The following NOD2 variants were observed in gnomAD, a reference collection of about 807,000 sequenced individuals.
NOD2 encodes nucleotide-binding oligomerization domain-containing protein 2.
NOD2 carries 86 observed loss-of-function variants against 90.9 expected under a neutral mutation model. The ratio of observed to expected loss-of-function variants is 0.95; its 90% CI spans 0.79 to 1.13. NOD2 has a LOEUF of 1.13. Among genes scored for constraint, NOD2 ranks in the 50% most tolerant of loss-of-function variants. NOD2 has a pLI of 0.00. For missense variants in NOD2, 1,238 were observed against 1,283.8 expected (o/e 0.96, Z 0.55); for synonymous variants, 581 against 554.6 (o/e 1.05, Z -0.67).
In NOD2 at chr16:50,710,961, T is replaced by C; in HGVS notation, c.969T>C (p.Phe323=). 6.2e-7 allele frequency: 1 copy of C among 1,614,234 alleles called. No individual in the cohort carries two copies. Among genetic ancestry groups the C allele is most frequent in the Non-Finnish European group, 8.5e-7 (1 of 1,180,042 alleles). Residue 323 remains phenylalanine (F), a synonymous_variant, in exon 4 of 12, where the codon TTT becomes TTC. Transcript: ENST00000647318. ...CACTCTCTGTGCGGACTCTACTCTT[T>C]GAGCACTGCTGTTGGCCTGATGTTG... ...AKPLSVRTLL[F]EHCCWPDVGQ...
chr16:50,719,782 G>A, intron 6 of NOD2, 143 bp from the exon 7 acceptor site: 1 of 780,280 alleles, frequency 1.3e-6, no homozygotes, highest in Non-Finnish European at 2.3e-6. Flanking sequence ...ACTAGACCTA[G>A]CAGCGAGGGC....
In NOD2 at chr16:50,723,401, C is replaced by G. The variant is rs1193867802; in HGVS notation, c.2801+17C>G. ...AGAACTCTGGTGAGTTTGGGGGATTCTCTGCTCTGGGGAAGTGGATCACAA... is the reference window on the plus strand; with the variant it reads ...AGAACTCTGGTGAGTTTGGGGGATTGTCTGCTCTGGGGAAGTGGATCACAA... On this transcript the variant is annotated intron_variant, in intron 9 of 11. Coordinates refer to ENST00000647318, the MANE Select transcript of NOD2 (RefSeq NM_001370466.1). 6.2e-7 allele frequency: 1 copy of G among 1,610,446 alleles called. No homozygotes were observed. Among genetic ancestry groups the G allele is most frequent in the Non-Finnish European group, 8.5e-7 (1 of 1,177,012 alleles).
intron 2 of NOD2, among the ~76,000 whole-genome samples, chr16:50,701,607 A>G (rs1322412850): frequency 4.6e-5 from 7 of 152,202 alleles, no homozygotes; most frequent in Non-Finnish European, 1.0e-4. Context: ...CCCATCTGAG[A>G]AGTTACAAGA....
At chr16:50,697,508 G>T in intron 1 of NOD2, 1 of 667,400 alleles carries the variant, frequency 1.5e-6, no homozygotes. Context: ...GGCCGCTGTC[G>T]CATCCTTGGC....
At chr16:50,697,613 C>T (rs1963717567) in intron 1 of NOD2, 1 of 447,500 alleles carries the variant, frequency 2.2e-6, no homozygotes, top group Non-Finnish European at 4.2e-6. Context: ...GCCACCCCAC[C>T]CTCTTGGCTC....
chr16:50,731,115 G>A (rs1442407095), intron 11 of NOD2, among the ~76,000 whole-genome samples: 1 of 151,974 alleles, frequency 6.6e-6, no homozygotes, highest in East Asian at 1.9e-4. Flanking sequence ...GGCTGCAGTG[G>A]GCCATGATTG....
intron 9 of NOD2, among the ~76,000 whole-genome samples, chr16:50,724,031 A>G (rs1965180825): frequency 1.3e-5 from 2 of 152,198 alleles, no homozygotes; most frequent in Admixed American, 1.3e-4. Flanking sequence ...GAGTTTTGAT[A>G]GTTGAAAGAG....
At chr16:50,712,618 C>T (rs5743281) in intron 4 of NOD2, 2 of 582,688 alleles carry the variant, frequency 3.4e-6, no homozygotes, top group African/African-American at 1.9e-5. Flanking sequence ...CTCATCTAAT[C>T]TCTACAACCA....
Position 50,712,034 on chromosome 16 carries a change from G to T in NOD2, c.2042G>T (p.Arg681Leu), listed in dbSNP as rs35285618. ...CTGCTCCGGCGCCAGGCCTGTGCCC[G>T]CTGGTGTCTGGCCCGCAGCCTCCGC... ...KALLRRQACA[R>L]WCLARSLRKH... Residue 681 changes from arginine (R) to leucine (L), a missense_variant, in exon 4 of 12, where the codon CGC becomes CTC. By Grantham distance (102) the Arg-to-Leu change is moderately radical. This residue lies in a region of NOD2 where 667 missense variants were observed against 688.7 expected (regional missense o/e 0.97). Coordinates refer to ENST00000647318, the MANE Select transcript of NOD2 (RefSeq NM_001370466.1). The T allele has an allele frequency of 6.2e-7, 1 of 1,613,072 alleles. No individual in the cohort carries two copies.
rs377554134 is a variant in NOD2, at chr16:50,711,701, C to T, written c.1709C>T (p.Ala570Val). 1.0e-4 allele frequency: 162 copies of T among 1,613,836 alleles called. No homozygotes were observed. Among genetic ancestry groups the T allele is most frequent in the Non-Finnish European group, 1.3e-4 (152 of 1,180,006 alleles). ...RAKGVVPGST[A>V]PLEFLHITFQ... ...AAAGGTGTCGTGCCAGGGAGTACGGCGCCCCTGGAATTCCTTCACATCACT... is the reference window on the plus strand; with the variant it reads ...AAAGGTGTCGTGCCAGGGAGTACGGTGCCCCTGGAATTCCTTCACATCACT... The change falls in exon 4 of 12, where the codon GCG becomes GTG. Residue 570 changes from alanine (A) to valine (V), a missense_variant. Ala to Val is a moderately conservative substitution (Grantham distance 64). This residue lies in a region of NOD2 where 667 missense variants were observed against 688.7 expected (regional missense o/e 0.97). Transcript: ENST00000647318.
In NOD2 at chr16:50,710,030, C is replaced by T. The variant is rs185488643; in HGVS notation, c.566-528C>T. ...TTTCAAACTCAGGTGTGTCTGGCTTCAGAGACTGGGCTCCTGAGCCCTTAA... is the reference window on the plus strand; with the variant it reads ...TTTCAAACTCAGGTGTGTCTGGCTTTAGAGACTGGGCTCCTGAGCCCTTAA... On this transcript the variant is annotated intron_variant, in intron 3 of 11. Transcript: ENST00000647318. The T allele has an allele frequency of 4.6e-3, 2,112 of 456,040 alleles. 15 individuals carry two copies. Among genetic ancestry groups the T allele is most frequent in the Non-Finnish European group, 7.9e-3 (1,786 of 226,808 alleles). 28.2% of individuals were successfully genotyped at this position (456,040 alleles called of 1,614,324 possible).
chr16:50,698,799 C>A (rs562013133), intron 1 of NOD2, among the ~76,000 whole-genome samples: 6 of 152,208 alleles, frequency 3.9e-5, no homozygotes, highest in Non-Finnish European at 8.8e-5. Context: ...GTAGTTTATG[C>A]TTAATTAATA....
chr16:50,723,622 C>T (rs763313449), intron 9 of NOD2, among the ~76,000 whole-genome samples: 4 of 152,090 alleles, frequency 2.6e-5, no homozygotes, highest in Admixed American at 2.6e-4. Flanking sequence ...TTGGTGACTG[C>T]CTCCACATGG....
chr16:50,723,942 G>C (rs1965178002), intron 9 of NOD2, among the ~76,000 whole-genome samples: 1 of 152,102 alleles, frequency 6.6e-6, no homozygotes, highest in African/African-American at 2.4e-5. Flanking sequence ...TACTAATAAA[G>C]TTTTGTTATT....
intron 10 of NOD2, 97 bp downstream of exon 10, chr16:50,725,669 CAT>C (rs1490241140): frequency 1.1e-6 from 1 of 925,728 alleles, no homozygotes; most frequent in African/African-American, 1.6e-5. Context: ...TGGGCTAACT[CAT>C]GTGAGGTGGC....
intron 7 of NOD2, among the ~76,000 whole-genome samples, chr16:50,721,464 C>T (rs538398880): frequency 1.3e-5 from 2 of 150,570 alleles, no homozygotes; most frequent in South Asian, 4.2e-4. Flanking sequence ...TCATTATGAC[C>T]TCTTTATTTA....
At chr16:50,731,240 A>G (rs1395781427) in intron 11 of NOD2, among the ~76,000 whole-genome samples, 1 of 152,190 alleles carries the variant, frequency 6.6e-6, no homozygotes, top group Non-Finnish European at 1.5e-5. Context: ...TATGATTGTG[A>G]TAGCTCTGTG....
intron 10 of NOD2, 57 bp downstream of exon 10, chr16:50,725,629 T>C: frequency 7.3e-7 from 1 of 1,378,808 alleles, no homozygotes; most frequent in Non-Finnish European, 1.0e-6. Flanking sequence ...GGAAGGGGCA[T>C]TTCTGAATAA....
intron 10 of NOD2, chr16:50,727,362 G>C (rs946950611): frequency 2.1e-4 from 36 of 168,106 alleles, no homozygotes; most frequent in Non-Finnish European, 2.2e-4. Flanking sequence ...TGAGTTGTAG[G>C]TTGGAGCAAA....
Sources: allele counts gnomAD v4.1 joint callset (sites outside exome capture counted in the v4.1 genomes callset), GRCh38; gene constraint gnomAD v4.1.1; regional missense constraint gnomAD v4.1.1; transcripts MANE v1.5; gene names NCBI Gene and HGNC (gene_info 2026-07-23, HGNC 2026-07-21).